MUC5B: variants seen among roughly 807,000 people sequenced by gnomAD.
MUC5B encodes the protein mucin 5B, oligomeric mucus/gel-forming.
A neutral mutation model predicts 376.9 loss-of-function variants in MUC5B; 116 were observed. The observed-to-expected ratio is 0.31, with a 90% CI of 0.26 to 0.36. MUC5B has a LOEUF of 0.36. Ranked by LOEUF, MUC5B falls within the 10% of genes least tolerant of loss-of-function variation. The pLI, the probability that MUC5B is intolerant of heterozygous loss-of-function variation, is 1.00. For missense variants in MUC5B, 7,165 were observed against 7,769.9 expected, an observed-to-expected ratio of 0.92 and a Z score of 2.93; for synonymous variants, 3,517 against 3,390.9, an observed-to-expected ratio of 1.04 and a Z score of -1.29.
In MUC5B at chr11:1,248,245, C is replaced by A; in HGVS notation, c.11365C>A (p.Pro3789Thr). The change falls in exon 31 of 49, where the codon CCC becomes ACC. Residue 3789 changes from proline (P) to threonine (T), a missense_variant. Pro to Thr is a conservative substitution (Grantham distance 38, BLOSUM62 -1). Transcript: ENST00000529681. ...AGCACTGAGAAGCACAGCCACCACACCCACAGCTACCAGCTTTACAGCCAT... is the reference window on the plus strand; with the variant it reads ...AGCACTGAGAAGCACAGCCACCACAACCACAGCTACCAGCTTTACAGCCAT... ...LPALRSTATTPTATSFTAIPS... is the reference protein window; with the variant it reads ...LPALRSTATTTTATSFTAIPS... The A allele has an allele frequency of 2.5e-6, 4 of 1,595,716 alleles. No individual in the cohort carries two copies. The highest frequency in any genetic ancestry group is 2.6e-6 in the Non-Finnish European group (3 of 1,168,010).
chr11:1,259,774 G>A lies in MUC5B; in HGVS notation c.16732G>A (p.Val5578Met). 1 of 1,612,462 alleles carries A rather than the reference G, an allele frequency of 6.2e-7. No homozygotes were observed. Among genetic ancestry groups the A allele is most frequent in the Non-Finnish European group, 8.5e-7 (1 of 1,179,678 alleles). ...TCPQGFEYKR[V>M]AGQCCGECVQ... ...CCCACAGGGCTTTGAGTACAAGAGA[G>A]TGGCCGGGCAGTGCTGTGGGGAGTG... Residue 5578 changes from valine to methionine, a missense_variant, in exon 45 of 49, where the codon GTG becomes ATG. By Grantham distance (21) the Val-to-Met change is conservative. Around this residue, in one of 31 missense-constraint regions of MUC5B, gnomAD observed 842 missense variants for 1,016.9 expected, o/e 0.83. Transcript: ENST00000529681.
At position 1,239,893 on chromosome 11, in the gene MUC5B, C is replaced by T. The variant is rs780723709; in HGVS notation, c.3678C>T (p.Asn1226=). The change falls in exon 28 of 49, where the codon AAC becomes AAT. Residue 1226 remains asparagine (N), a synonymous_variant. Transcript: ENST00000529681. ...AQCGCYDKDG[N]YYDVGARVPT... ...GTGGCTGCTACGACAAGGACGGAAA[C>T]TACTATGACGTCGGTGCAAGGGTCC... 3 of 1,613,382 alleles carry T rather than the reference C, an allele frequency of 1.9e-6. No individual in the cohort carries two copies. Among genetic ancestry groups the T allele is most frequent in the East Asian group, 4.5e-5 (2 of 44,864 alleles).
rs369782429 is a variant in MUC5B at position 1,241,293 on chromosome 11, C to T, written c.4413C>T (p.Thr1471=). ...TATEKTTLWV[T]PSIRSTAALT... is the part of the protein sequence containing the mutation. ...CCGAAAAGACCACCCTATGGGTGACCCCGAGCATCCGGTCGACGGCGGCCC... is the reference window on the plus strand; with the variant it reads ...CCGAAAAGACCACCCTATGGGTGACTCCGAGCATCCGGTCGACGGCGGCCC... Residue 1471 remains threonine, a synonymous_variant, in exon 31 of 49, where the codon ACC becomes ACT. Coordinates refer to ENST00000529681, the MANE Select transcript of MUC5B (RefSeq NM_002458.3). The T allele has an allele frequency of 6.2e-7, 1 of 1,600,884 alleles. No homozygotes were observed. Among genetic ancestry groups the T allele is most frequent in the East Asian group, 2.3e-5 (1 of 44,098 alleles).
chr11:1,236,875 G>C (rs1380811099), intron 24 of MUC5B, 50 bp from the exon 25 acceptor site: 1 of 1,395,988 alleles, frequency 7.2e-7, no homozygotes, highest in African/African-American at 1.5e-5. Flanking sequence ...GCCTCCCACG[G>C]GTGCCTGTGG....
chr11:1,232,196 C>T (rs1239815260), intron 15 of MUC5B, 36 bp downstream of exon 15: 1 of 1,550,874 alleles, frequency 6.4e-7, no homozygotes, highest in Non-Finnish European at 8.7e-7. Context: ...TCACCCCAGG[C>T]TCAAGTCCCA....
In MUC5B at chr11:1,257,042, C is replaced by T. The variant is rs1862856737; in HGVS notation, c.16238-198C>T. On this transcript the variant is annotated intron_variant, in intron 39 of 48. Transcript: ENST00000529681. The surrounding 1 kb of genome is among the most constrained non-coding windows in gnomAD (Gnocchi z 8.9). ...GAGCCCTGCCTCCCACCACCATGGACGAGGCTTCCATGCACTGACAGCTGG... is the reference window on the plus strand; with the variant it reads ...GAGCCCTGCCTCCCACCACCATGGATGAGGCTTCCATGCACTGACAGCTGG... 6.6e-6 allele frequency among the ~76,000 whole-genome samples: 1 copy of T among 152,188 alleles called. No individual in the cohort carries two copies. The highest frequency in any genetic ancestry group is 1.5e-5 in the Non-Finnish European group (1 of 68,034).
rs753835109 is a variant in MUC5B at position 1,242,658 on chromosome 11, G to A, written c.5778G>A (p.Pro1926=). 2.0e-5 allele frequency: 33 copies of A among 1,612,052 alleles called. No individual in the cohort carries two copies. The highest frequency in any genetic ancestry group is 1.5e-4 in the Admixed American group (9 of 59,836). The part of the protein sequence containing the change: ...TTASTGSTAT[P]TSTLRTAPPP... ...CGTCCACTGGATCCACGGCCACCCCGACCTCCACCCTGAGAACAGCTCCCC... is the reference window on the plus strand; with the variant it reads ...CGTCCACTGGATCCACGGCCACCCCAACCTCCACCCTGAGAACAGCTCCCC... Residue 1926 remains proline, a synonymous_variant, in exon 31 of 49, where the codon CCG becomes CCA. Coordinates refer to ENST00000529681, the MANE Select transcript of MUC5B (RefSeq NM_002458.3).
rs893979111 is a variant in MUC5B at position 1,242,172 on chromosome 11, G to A, written c.5292G>A (p.Arg1764=). The change falls in exon 31 of 49, where the codon AGG becomes AGA. Residue 1764 remains arginine, a synonymous_variant. Coordinates refer to ENST00000529681, the MANE Select transcript of MUC5B (RefSeq NM_002458.3). The part of the protein sequence containing the change: ...STSQAETSTP[R]TETTMSPLTN... Reference sequence around the variant, plus strand: ...CTCAGGCCGAGACCAGCACGCCCAGGACAGAGACGACAATGAGCCCCTTGA... The same window carrying A: ...CTCAGGCCGAGACCAGCACGCCCAGAACAGAGACGACAATGAGCCCCTTGA... 8 of 1,613,392 alleles carry A rather than the reference G, an allele frequency of 5.0e-6. No individual in the cohort carries two copies. The highest frequency in any genetic ancestry group is 1.7e-5 in the Admixed American group (1 of 60,004).
intron 12 of MUC5B, 141 bp downstream of exon 12, chr11:1,230,741 C>T: frequency 2.2e-6 from 2 of 898,566 alleles, no homozygotes; most frequent in Non-Finnish European, 3.4e-6. Flanking sequence ...CTCCAGCCCC[C>T]AGGTCAGGTC....
At position 1,247,439 on chromosome 11, in the gene MUC5B, A is replaced by T; in HGVS notation, c.10559A>T (p.Glu3520Val). ...CCTCACCCTAGCAGCAGGACCACCG[A>T]GTCACCCCCTTCTCCAGGGACGACC... Reference protein sequence around the residue: ...SSPHPSSRTTESPPSPGTTTP... With the variant: ...SSPHPSSRTTVSPPSPGTTTP... The change falls in exon 31 of 49, where the codon GAG becomes GTG. Residue 3520 changes from glutamate to valine, a missense_variant. Physicochemically the swap from Glu to Val is moderately radical, Grantham distance 121. Around this residue, in one of 31 missense-constraint regions of MUC5B, gnomAD observed 939 missense variants for 770.6 expected, o/e 1.22. Coordinates refer to ENST00000529681, the MANE Select transcript of MUC5B (RefSeq NM_002458.3). 1.9e-6 allele frequency: 3 copies of T among 1,609,140 alleles called. No homozygotes were observed. Among genetic ancestry groups the T allele is most frequent in the Non-Finnish European group, 2.5e-6 (3 of 1,178,754 alleles).
chr11:1,255,541 C>A lies in MUC5B; in HGVS notation c.16049C>A (p.Ala5350Glu), dbSNP rs1202082186. Reference protein sequence around the residue: ...ARGVCSDWRGATGGLCDLTCP... With the variant: ...ARGVCSDWRGETGGLCDLTCP... ...GGAGTGTGCAGTGACTGGCGAGGTGCAACCGGTGGCCTGTGCGGTGAGTGG... is the reference window on the plus strand; with the variant it reads ...GGAGTGTGCAGTGACTGGCGAGGTGAAACCGGTGGCCTGTGCGGTGAGTGG... The change falls in exon 37 of 49, where the codon GCA becomes GAA. Residue 5350 changes from alanine to glutamate, a missense_variant. Coordinates refer to ENST00000529681, the MANE Select transcript of MUC5B (RefSeq NM_002458.3). 1 of 1,537,666 alleles carries A rather than the reference C, an allele frequency of 6.5e-7. No individual in the cohort carries two copies. The highest frequency in any genetic ancestry group is 8.8e-7 in the Non-Finnish European group (1 of 1,138,604).
chr11:1,227,102 G>T lies in MUC5B; in HGVS notation c.533G>T (p.Arg178Leu). The T allele has an allele frequency of 6.2e-7, 1 of 1,612,530 alleles. No homozygotes were observed. Among genetic ancestry groups the T allele is most frequent in the Non-Finnish European group, 8.5e-7 (1 of 1,179,730 alleles). Residue 178 changes from arginine (R) to leucine (L), a missense_variant, in exon 5 of 49, where the codon CGG becomes CTG. Physicochemically the swap from Arg to Leu is moderately radical, Grantham distance 102. This residue lies in a region of MUC5B where 640 missense variants were observed against 733.0 expected (regional missense o/e 0.87). Transcript: ENST00000529681. Reference protein sequence around the residue: ...QSGDYIKVSIRLVLTFLWNGE... With the variant: ...QSGDYIKVSILLVLTFLWNGE... ...GGGGACTACATCAAGGTCAGCATCC[G>T]GCTGGTGCTGACATTCCTGTGGAAC... is the stretch of plus-strand genomic sequence containing the variant.
At position 1,231,548 on chromosome 11, in the gene MUC5B, G is replaced by A. The variant is rs763744464; in HGVS notation, c.1666G>A (p.Gly556Ser). 7.0e-6 allele frequency: 11 copies of A among 1,578,794 alleles called. No individual in the cohort carries two copies. The East Asian group carries it at 1.6e-4, about 23-fold the overall frequency. Residue 556 changes from glycine (G) to serine (S), a missense_variant, in exon 14 of 49, where the codon GGC becomes AGC. Gly to Ser is a moderately conservative substitution (Grantham distance 56). Coordinates refer to ENST00000529681, the MANE Select transcript of MUC5B (RefSeq NM_002458.3). ...VFVRLDPAHQ[G>S]QMCGLCGNFN... is the part of the protein sequence containing the mutation. ...TGTCAGGCTGGACCCCGCCCACCAG[G>A]GCCAGATGTGCGGTGAGGCTGGGCA...
Position 1,241,269 on chromosome 11 carries a change from C to T in MUC5B, c.4389C>T (p.Thr1463=), listed in dbSNP as rs139153751. The part of the protein sequence containing the change: ...AVPTPTQTTA[T]EKTTLWVTPS... ...CTACCCCAACCCAGACCACAGCAAC[C>T]GAAAAGACCACCCTATGGGTGACCC... Residue 1463 remains threonine (T), a synonymous_variant, in exon 31 of 49, where the codon ACC becomes ACT. Coordinates refer to ENST00000529681, the MANE Select transcript of MUC5B (RefSeq NM_002458.3). 0.02 allele frequency: 31,259 copies of T among 1,594,120 alleles called. 426 individuals are homozygous for T. Among genetic ancestry groups the T allele is most frequent in the Non-Finnish European group, 0.022 (25,302 of 1,170,482 alleles).
Position 1,250,293 on chromosome 11 carries a change from C to G in MUC5B, c.13413C>G (p.Ser4471=). Residue 4471 remains serine (S), a synonymous_variant, in exon 31 of 49, where the codon TCC becomes TCG. Transcript: ENST00000529681. ...CCGGATCCACGGCCACCGCCTCCTCCACCCAGGCAACTGCTGGCACCCCAC... is the reference window on the plus strand; with the variant it reads ...CCGGATCCACGGCCACCGCCTCCTCGACCCAGGCAACTGCTGGCACCCCAC... ...VPTGSTATAS[S]TQATAGTPHV... is the part of the protein sequence containing the mutation. 1 of 1,613,318 alleles carries G rather than the reference C, an allele frequency of 6.2e-7. No individual in the cohort carries two copies. Among genetic ancestry groups the G allele is most frequent in the Non-Finnish European group, 8.5e-7 (1 of 1,179,690 alleles).
chr11:1,259,195 T>C, intron 44 of MUC5B, 134 bp downstream of exon 44: 1 of 823,906 alleles, frequency 1.2e-6, no homozygotes, highest in East Asian at 3.1e-5. Flanking sequence ...TGCCCCCAGG[T>C]GAGTCCCTGA....
intron 23 of MUC5B, 169 bp downstream of exon 23, chr11:1,235,582 T>G: frequency 1.6e-6 from 1 of 633,642 alleles, no homozygotes. Context: ...CAGAAATGCA[T>G]TCTCAGTCCT....
intron 22 of MUC5B, 34 bp downstream of exon 22, chr11:1,235,257 G>A: frequency 4.3e-6 from 7 of 1,610,808 alleles, no homozygotes; most frequent in Non-Finnish European, 5.9e-6. Context: ...CTGCAGGCCG[G>A]GCACACTCCA....
Position 1,247,716 on chromosome 11 carries a change from C to A in MUC5B, c.10836C>A (p.Pro3612=), listed in dbSNP as rs780619883. Residue 3612 remains proline (P), a synonymous_variant, in exon 31 of 49, where the codon CCC becomes CCA. Transcript: ENST00000529681. ...RAAGGAVCEQ[P]LGLECRAQAQ... ...CCGGAGGGGCAGTCTGTGAGCAGCC[C>A]CTGGGCCTCGAGTGCCGTGCCCAGG... The A allele has an allele frequency of 6.3e-7, 1 of 1,599,232 alleles. No individual in the cohort carries two copies. The highest frequency in any genetic ancestry group is 8.5e-7 in the Non-Finnish European group (1 of 1,172,172).
Sources: gnomAD v4.1 joint callset for allele counts (sites outside exome capture counted in the v4.1 genomes callset) on GRCh38, gnomAD v4.1.1 for gene constraint, gnomAD v4.1.1 regional missense constraint, Gnocchi (gnomAD v3.1) non-coding constraint, MANE v1.5 for transcripts, NCBI Gene and HGNC (gene_info 2026-07-23, HGNC 2026-07-21) for gene names.